SUSD6: variants seen among roughly 807,000 people sequenced by gnomAD.
SUSD6 encodes sushi domain-containing protein 6.
A neutral mutation model predicts 28.4 loss-of-function variants in SUSD6; 16 were observed. That is an observed-to-expected ratio of 0.56 (90% CI 0.38 to 0.86). SUSD6 has a LOEUF of 0.86. SUSD6 is among the 40% of genes least tolerant of loss of function. The pLI, the probability that SUSD6 is intolerant of heterozygous loss-of-function variation, is 0.00. For synonymous variants in SUSD6, 147 were observed against 159.6 expected, an observed-to-expected ratio of 0.92 and a Z score of 0.59; for missense variants, 341 against 384.2, an observed-to-expected ratio of 0.89 and a Z score of 0.94.
At chr14:69,645,466 A>G (rs1462831996) in intron 1 of SUSD6, among the ~76,000 whole-genome samples, 1 of 152,118 alleles carries the variant, frequency 6.6e-6, no homozygotes, top group Admixed American at 6.6e-5. Flanking sequence ...TTGTTGTTGA[A>G]CACTAAGGAA....
At chr14:69,681,410 A>G (rs1305672303) in intron 2 of SUSD6, among the ~76,000 whole-genome samples, 1 of 152,218 alleles carries the variant, frequency 6.6e-6, no homozygotes, top group Non-Finnish European at 1.5e-5. Flanking sequence ...AGACATGCAA[A>G]TTAAGCAGAT....
chr14:69,634,309 T>A lies in SUSD6; in HGVS notation c.-81+22481T>A, dbSNP rs1267336349. Among the ~76,000 whole-genome samples the A allele has an allele frequency of 2.0e-5, 3 of 152,224 alleles. No homozygotes were observed. In the East Asian group the frequency reaches 5.8e-4, roughly 29 times the overall value. On this transcript the variant is annotated intron_variant, in intron 1 of 5. Transcript: ENST00000342745. ...GATTGAGGATTTGATTTATTTGTATTATTGGCACTTGTATTGATTTTTCTG... is the reference window on the plus strand; with the variant it reads ...GATTGAGGATTTGATTTATTTGTATAATTGGCACTTGTATTGATTTTTCTG...
intron 1 of SUSD6, among the ~76,000 whole-genome samples, chr14:69,640,452 A>G (rs538493717): frequency 6.6e-6 from 1 of 152,166 alleles, no homozygotes; most frequent in South Asian, 2.1e-4. Context: ...CTCCTGTCTC[A>G]GTCTCCCGAG....
intron 1 of SUSD6, among the ~76,000 whole-genome samples, chr14:69,643,482 A>G (rs1161087339): frequency 1.3e-5 from 2 of 152,238 alleles, no homozygotes; most frequent in African/African-American, 4.8e-5. Context: ...TTCTAGCAGA[A>G]GATTCTGTGC....
At chr14:69,676,438 T>C (rs1044517676) in intron 2 of SUSD6, among the ~76,000 whole-genome samples, 2 of 151,348 alleles carry the variant, frequency 1.3e-5, no homozygotes, top group Non-Finnish European at 2.9e-5. Flanking sequence ...TGGAGTGTGG[T>C]GGGTAATCAC....
chr14:69,660,769 A>T (rs544966855), intron 2 of SUSD6, among the ~76,000 whole-genome samples: 17 of 152,364 alleles, frequency 1.1e-4, no homozygotes, highest in African/African-American at 4.1e-4. Context: ...AATGTATATG[A>T]AACTTAAATT....
At chr14:69,648,697 A>G (rs1595041370) in intron 1 of SUSD6, among the ~76,000 whole-genome samples, 2 of 152,146 alleles carry the variant, frequency 1.3e-5, no homozygotes, top group African/African-American at 2.4e-5. Context: ...ACATAACTGC[A>G]TCAGCCAGCT....
intron 2 of SUSD6, among the ~76,000 whole-genome samples, chr14:69,699,237 T>G (rs1886277367): frequency 6.6e-6 from 1 of 152,126 alleles, no homozygotes; most frequent in Admixed American, 6.5e-5. Context: ...AGAGTCTCAC[T>G]TTGTCGCCCA....
At chr14:69,638,689 A>T (rs537210611) in intron 1 of SUSD6, among the ~76,000 whole-genome samples, 1 of 152,338 alleles carries the variant, frequency 6.6e-6, no homozygotes, top group South Asian at 2.1e-4. Context: ...ACAAGCTCCC[A>T]GGTGCTGCCA....
chr14:69,662,842 T>C (rs1157474203), intron 2 of SUSD6, among the ~76,000 whole-genome samples: 1 of 152,204 alleles, frequency 6.6e-6, no homozygotes, highest in Admixed American at 6.5e-5. Flanking sequence ...TCCTTAAGAA[T>C]GTTAAGTTGG....
chr14:69,692,056 A>AG (rs1886162168), intron 2 of SUSD6, among the ~76,000 whole-genome samples: 1 of 151,688 alleles, frequency 6.6e-6, no homozygotes, highest in Non-Finnish European at 1.5e-5. Flanking sequence ...AAAAAAAAAA[A>AG]GAAGTCATGT....
At position 69,712,450 on chromosome 14, in the gene SUSD6, A is replaced by G. The variant is rs1471514930; in HGVS notation, c.*1471A>G. On this transcript the variant is annotated 3_prime_UTR_variant, in exon 6 of 6. Coordinates refer to ENST00000342745, the MANE Select transcript of SUSD6 (RefSeq NM_014734.4). ...ATCTTAGAAGATAGATGCAGCAGTA[A>G]GGAATGTTTGTTTTGCTTTTTTCTG... 6.6e-6 allele frequency: 1 copy of G among 152,382 alleles called. No individual in the cohort carries two copies. The highest frequency in any genetic ancestry group is 1.5e-5 in the Non-Finnish European group (1 of 68,154). The allele number at this position is 152,382 out of a possible 1,614,324, so 9.4% of individuals were successfully genotyped here.
intron 2 of SUSD6, among the ~76,000 whole-genome samples, chr14:69,680,001 G>A (rs906393546): frequency 2.6e-5 from 4 of 152,196 alleles, no homozygotes; most frequent in Non-Finnish European, 5.9e-5. Context: ...TGGAAGGGCA[G>A]TATGTGGGAA....
chr14:69,673,410 A>G (rs1885862578), intron 2 of SUSD6, among the ~76,000 whole-genome samples: 1 of 152,180 alleles, frequency 6.6e-6, no homozygotes, highest in East Asian at 1.9e-4. Context: ...GAGAACCACC[A>G]ATTTATACTT....
intron 1 of SUSD6, among the ~76,000 whole-genome samples, chr14:69,644,489 G>A (rs1384480727): frequency 6.6e-6 from 1 of 152,014 alleles, no homozygotes; most frequent in Non-Finnish European, 1.5e-5. Flanking sequence ...GTCTCTTCTA[G>A]AAATAGAAAA....
intron 1 of SUSD6, among the ~76,000 whole-genome samples, chr14:69,644,054 T>G (rs1045061783): frequency 6.6e-6 from 1 of 152,238 alleles, no homozygotes; most frequent in African/African-American, 2.4e-5. Context: ...CTTTTCACTT[T>G]GTACCTCATG....
At chr14:69,616,199 G>A (rs1256325895) in intron 1 of SUSD6, among the ~76,000 whole-genome samples, 1 of 152,204 alleles carries the variant, frequency 6.6e-6, no homozygotes, top group Non-Finnish European at 1.5e-5. Context: ...GGATTCTGCA[G>A]TTGGAGATTG....
At chr14:69,665,887 T>C (rs979488804) in intron 2 of SUSD6, among the ~76,000 whole-genome samples, 8 of 152,246 alleles carry the variant, frequency 5.3e-5, no homozygotes, top group Non-Finnish European at 1.2e-4. Context: ...TTCACCAGAA[T>C]GGGGATGATA....
chr14:69,654,409 A>G (rs1885547886), intron 1 of SUSD6, among the ~76,000 whole-genome samples: 1 of 152,342 alleles, frequency 6.6e-6, no homozygotes, highest in South Asian at 2.1e-4. Flanking sequence ...TGTTAAAGGT[A>G]CAGTCATAGC....
Sources: gnomAD v4.1 joint callset for allele counts (sites outside exome capture counted in the v4.1 genomes callset) on GRCh38, gnomAD v4.1.1 for gene constraint, MANE v1.5 for transcripts, NCBI Gene and HGNC (gene_info 2026-07-23, HGNC 2026-07-21) for gene names.